Variants in HPS1 observed in about 807,000 individuals in gnomAD.
HPS1 encodes BLOC-3 complex member HPS1.
Under a neutral mutation model 90.6 loss-of-function variants are expected in HPS1, and 59 were observed. The ratio of observed to expected loss-of-function variants is 0.65; its 90% CI spans 0.53 to 0.81. HPS1 has a LOEUF of 0.81. Among genes scored for constraint, HPS1 ranks in the 30% least tolerant of loss-of-function variants. The pLI is 0.00. For synonymous variants in HPS1, 388 were observed against 384.4 expected (o/e 1.01, Z -0.11); for missense variants, 849 against 896.7 (o/e 0.95, Z 0.68).
chr10:98,420,824 G>A (rs1844750401), intron 17 of HPS1, among the ~76,000 whole-genome samples: 1 of 152,196 alleles, frequency 6.6e-6, no homozygotes. Context: ...GTGGTCTCCT[G>A]AATCCCCTCC....
At chr10:98,444,264 C>A (rs1003445077) in intron 2 of HPS1, among the ~76,000 whole-genome samples, 4 of 151,896 alleles carry the variant, frequency 2.6e-5, no homozygotes, top group African/African-American at 9.7e-5. Context: ...CCCACCCCCC[C>A]GCCACACACA....
chr10:98,430,024 GT>G, intron 8 of HPS1, 135 bp from the exon 9 acceptor site: 1 of 715,172 alleles, frequency 1.4e-6, no homozygotes, highest in South Asian at 1.8e-5. Flanking sequence ...TCCTGGGTGT[GT>G]GGTCCTCAGA....
At chr10:98,432,241 G>T (rs1232976548) in intron 6 of HPS1, among the ~76,000 whole-genome samples, 1 of 152,214 alleles carries the variant, frequency 6.6e-6, no homozygotes, top group South Asian at 2.1e-4. Context: ...CCTCCTAAAA[G>T]AAGTCTTTCC....
intron 17 of HPS1, among the ~76,000 whole-genome samples, chr10:98,421,979 G>GACACACACACACACACACACACACAC (rs200573934): frequency 1.4e-4 from 20 of 139,934 alleles, no homozygotes. Context: ...CACACACACA[G>GACACACACACACACACACACACACAC]ACACACACAC....
chr10:98,429,746 C>A lies in HPS1; in HGVS notation c.867+45G>T, dbSNP rs369661108. 977 of 1,613,324 alleles carry A rather than the reference C, an allele frequency of 6.1e-4. 3 individuals are homozygous for A. The highest frequency in any genetic ancestry group is 4.7e-3 in the South Asian group (430 of 91,076). ...GGAAAGGCCTGGTCGCCTGCAGAGG[C>A]CGATCCCCTCCTGCCCCTGACTCCA... On this transcript the variant is annotated intron_variant, in intron 9 of 19. Coordinates refer to ENST00000361490, the MANE Select transcript of HPS1 (RefSeq NM_000195.5).
rs1252655229 is a variant in HPS1 at position 98,431,196 on chromosome 10, C to T, written c.603G>A (p.Arg201=). 6.2e-7 allele frequency: 1 copy of T among 1,613,974 alleles called. No individual in the cohort carries two copies. Among genetic ancestry groups the T allele is most frequent in the Non-Finnish European group, 8.5e-7 (1 of 1,180,022 alleles). ...VIQAVNTSPE[R]GGEEALHAFL... ...AGGCATGCAGGGCCTCCTCGCCTCCCCGCTCGGGGCTGGTGTTGACAGCCT... is the reference window on the plus strand; with the variant it reads ...AGGCATGCAGGGCCTCCTCGCCTCCTCGCTCGGGGCTGGTGTTGACAGCCT... The change falls in exon 7 of 20, where the codon CGG becomes CGA. Residue 201 remains arginine (R), a synonymous_variant. Transcript: ENST00000361490.
chr10:98,435,092 A>G lies in HPS1; in HGVS notation c.398+180T>C, dbSNP rs1490974703. On this transcript the variant is annotated intron_variant, in intron 5 of 19. Transcript: ENST00000361490. The surrounding 1 kb of genome is among the most constrained non-coding windows in gnomAD (Gnocchi z 4.3). ...CATTCTCTGCTCTGTTTCACCAGAT[A>G]TAAAGTCAGAGGGTCAGACCAGATG... 2 of 676,660 alleles carry G rather than the reference A, an allele frequency of 3.0e-6. No individual in the cohort carries two copies. The highest frequency in any genetic ancestry group is 5.1e-6 in the Non-Finnish European group (2 of 392,574). The allele number at this position is 676,660 out of a possible 1,614,324, so 41.9% of individuals were successfully genotyped here.
intron 3 of HPS1, among the ~76,000 whole-genome samples, chr10:98,441,815 A>C (rs1241555618): frequency 1.3e-5 from 2 of 152,250 alleles, no homozygotes; most frequent in African/African-American, 4.8e-5. Context: ...GAATGGCTAA[A>C]ATTAAAAAGA....
intron 3 of HPS1, among the ~76,000 whole-genome samples, chr10:98,437,053 C>T (rs1212819237): frequency 6.6e-6 from 1 of 152,070 alleles, no homozygotes; most frequent in East Asian, 1.9e-4. Context: ...CGCCCTCCAC[C>T]TCTGTCACTC....
Position 98,435,184 on chromosome 10 carries a change from T to C in HPS1, c.398+88A>G. On this transcript the variant is annotated intron_variant, in intron 5 of 19. Coordinates refer to ENST00000361490, the MANE Select transcript of HPS1 (RefSeq NM_000195.5). The surrounding 1 kb of genome is among the most constrained non-coding windows in gnomAD (Gnocchi z 4.3). Reference sequence around the variant, plus strand: ...CCAGCTGGGGGCAGTATGTGAAAAATGGCAGCTTCACAGGGGCTGGGCACA... The same window carrying C: ...CCAGCTGGGGGCAGTATGTGAAAAACGGCAGCTTCACAGGGGCTGGGCACA... 1 of 1,545,782 alleles carries C rather than the reference T, an allele frequency of 6.5e-7. No homozygotes were observed. Among genetic ancestry groups the C allele is most frequent in the East Asian group, 2.2e-5 (1 of 44,494 alleles).
intron 3 of HPS1, chr10:98,442,500 G>A (rs1396385747): frequency 1.3e-5 from 2 of 158,110 alleles, no homozygotes; most frequent in African/African-American, 2.4e-5. Context: ...AAAAATTAAC[G>A]TGTTCAGCTT....
In HPS1 at chr10:98,424,326, C is replaced by T. The variant is rs775782089; in HGVS notation, c.1384G>A (p.Gly462Arg). ...CCCACCACTCACTCCCAGGAGGATCCGGGCTCACTTTTGGAGAAAGCCTTG... is the reference window on the plus strand; with the variant it reads ...CCCACCACTCACTCCCAGGAGGATCTGGGCTCACTTTTGGAGAAAGCCTTG... ...KAKAFSKSEP[G>R]SSWELLQACG... The change falls in exon 14 of 20, where the codon GGA becomes AGA. Residue 462 changes from glycine to arginine, a missense_variant. Coordinates refer to ENST00000361490, the MANE Select transcript of HPS1 (RefSeq NM_000195.5). 64 of 1,612,462 alleles carry T rather than the reference C, an allele frequency of 4.0e-5. No homozygotes were observed. Among genetic ancestry groups the T allele is most frequent in the South Asian group, 5.5e-5 (5 of 90,588 alleles).
At chr10:98,443,731 T>A (rs1938883578) in intron 2 of HPS1, among the ~76,000 whole-genome samples, 1 of 152,048 alleles carries the variant, frequency 6.6e-6, no homozygotes, top group Non-Finnish European at 1.5e-5. Context: ...TATCTCTCCC[T>A]CAGATAAAAA....
intron 17 of HPS1, among the ~76,000 whole-genome samples, chr10:98,421,010 C>T (rs1844780309): frequency 6.6e-6 from 1 of 152,228 alleles, no homozygotes; most frequent in Non-Finnish European, 1.5e-5. Context: ...CTGGGAATGT[C>T]CTCCTGCCTG....
chr10:98,427,307 G>T, intron 10 of HPS1, 43 bp from the exon 11 acceptor site: 2 of 1,507,912 alleles, frequency 1.3e-6, no homozygotes, highest in Non-Finnish European at 1.8e-6. Flanking sequence ...AGTACCATGA[G>T]ATGTAAGCAA....
Position 98,430,688 on chromosome 10 carries a change from T to C in HPS1, c.669-18A>G, listed in dbSNP as rs1218553326. The C allele has an allele frequency of 9.7e-6, 15 of 1,546,696 alleles. No homozygotes were observed. Among genetic ancestry groups the C allele is most frequent in the African/African-American group, 1.4e-5 (1 of 73,070 alleles). Reference sequence around the variant, plus strand: ...CACTGTGGCTGCAGACACAGGAGCATGGCCACCCATCAGCACATGCCCAGC... The same window carrying C: ...CACTGTGGCTGCAGACACAGGAGCACGGCCACCCATCAGCACATGCCCAGC... On this transcript the variant is annotated intron_variant, in intron 7 of 19. Coordinates refer to ENST00000361490, the MANE Select transcript of HPS1 (RefSeq NM_000195.5).
At chr10:98,427,291 G>A (rs555378491) in intron 10 of HPS1, 27 bp from the exon 11 acceptor site, 25 of 1,538,134 alleles carry the variant, frequency 1.6e-5, no homozygotes, top group South Asian at 4.8e-5. Context: ...ATAACATAAC[G>A]ATGTAAGTAC....
intron 17 of HPS1, among the ~76,000 whole-genome samples, chr10:98,422,010 A>ACACACT (rs1564831158): frequency 1.3e-5 from 2 of 148,160 alleles, no homozygotes; most frequent in African/African-American, 4.9e-5. Flanking sequence ...ACACACACAC[A>ACACACT]CACACGTATA....
chr10:98,443,797 C>A (rs1433634378), intron 2 of HPS1, among the ~76,000 whole-genome samples: 1 of 152,146 alleles, frequency 6.6e-6, no homozygotes, highest in Non-Finnish European at 1.5e-5. Flanking sequence ...CTTTGGGAGG[C>A]CAAGGGGGGT....
Sources: allele counts gnomAD v4.1 joint callset (sites outside exome capture counted in the v4.1 genomes callset), GRCh38; gene constraint gnomAD v4.1.1; non-coding constraint Gnocchi (gnomAD v3.1); transcripts MANE v1.5; gene names NCBI Gene and HGNC (gene_info 2026-07-23, HGNC 2026-07-21).